Variants in RNFT1 observed in about 807,000 individuals in gnomAD.
RNFT1 encodes ring finger protein, transmembrane 1.
A neutral mutation model predicts 53.2 loss-of-function variants in RNFT1; 35 were observed. The observed-to-expected ratio is 0.66, with a 90% CI of 0.50 to 0.87. The LOEUF (loss-of-function observed/expected upper bound fraction) is 0.87. RNFT1 is among the 40% of genes least tolerant of loss of function. The pLI, the probability that RNFT1 is intolerant of heterozygous loss-of-function variation, is 0.00. For synonymous variants in RNFT1, 141 were observed against 172.8 expected (o/e 0.82, Z 1.44); for missense variants, 421 against 515.0 (o/e 0.82, Z 1.77).
At chr17:59,964,529 G>C (rs764788789) in intron 1 of RNFT1, 79 bp downstream of exon 1, 120 of 1,356,970 alleles carry the variant, frequency 8.8e-5, no homozygotes, top group Non-Finnish European at 1.1e-4. Flanking sequence ...TCCGAGCCTC[G>C]AGTGCCTATT....
At chr17:59,953,851 A>G (rs2045237108) in intron 8 of RNFT1, 194 bp downstream of exon 8, 2 of 443,238 alleles carry the variant, frequency 4.5e-6, no homozygotes, top group Non-Finnish European at 4.0e-6. Flanking sequence ...TTTCCCCTTC[A>G]TACGCTCCTC....
intron 3 of RNFT1, among the ~76,000 whole-genome samples, chr17:59,962,008 C>T (rs990380968): frequency 6.6e-6 from 1 of 151,488 alleles, no homozygotes; most frequent in Non-Finnish European, 1.5e-5. Context: ...GCCTCAGCCT[C>T]CCGAGTAGCT....
chr17:59,953,188 T>TTA, intron 8 of RNFT1, 77 bp from the exon 9 acceptor site: 1 of 1,139,228 alleles, frequency 8.8e-7, no homozygotes, highest in Non-Finnish European at 1.2e-6. Flanking sequence ...ATGAAAGGGA[T>TTA]TCTTTTTTTT....
chr17:59,964,255 C>T (rs998052233), intron 1 of RNFT1, among the ~76,000 whole-genome samples: 8 of 152,190 alleles, frequency 5.3e-5, no homozygotes, highest in Non-Finnish European at 1.0e-4. Flanking sequence ...ACTCCCAGGA[C>T]TGAACAGTGG....
intron 1 of RNFT1, among the ~76,000 whole-genome samples, chr17:59,964,199 G>A (rs888493916): frequency 1.3e-5 from 2 of 152,192 alleles, no homozygotes; most frequent in African/African-American, 4.8e-5. Context: ...TTGTCTAGGA[G>A]GAGGCTAGAG....
Position 59,961,063 on chromosome 17 carries a change from G to A in RNFT1, c.592-895C>T, listed in dbSNP as rs372799912. Reference sequence around the variant, plus strand: ...TTTTTTTTTACTTTTTTGAGACTGGGTCTCACTCTTTCACCCAGACTGGAG... The same window carrying A: ...TTTTTTTTTACTTTTTTGAGACTGGATCTCACTCTTTCACCCAGACTGGAG... On this transcript the variant is annotated intron_variant, in intron 3 of 8. Transcript: ENST00000305783. Among the ~76,000 whole-genome samples, 22 of 148,162 alleles carry A rather than the reference G, an allele frequency of 1.5e-4. No individual in the cohort carries two copies. The South Asian group carries it at 4.5e-3, about 30-fold the overall frequency.
At chr17:59,958,789 T>C (rs779146158) in intron 4 of RNFT1, 2 of 385,608 alleles carry the variant, frequency 5.2e-6, no homozygotes, top group Non-Finnish European at 1.0e-5. Flanking sequence ...TTCCTTTCAA[T>C]GAATTGCTTG....
intron 4 of RNFT1, among the ~76,000 whole-genome samples, chr17:59,958,952 G>GT (rs1249890616): frequency 1.3e-5 from 2 of 151,942 alleles, no homozygotes; most frequent in African/African-American, 4.8e-5. Context: ...CTCCTTTGCT[G>GT]TTTCTCTTCT....
chr17:59,953,316 G>A (rs935662832), intron 8 of RNFT1, among the ~76,000 whole-genome samples: 4 of 151,728 alleles, frequency 2.6e-5, no homozygotes, highest in African/African-American at 9.7e-5. Context: ...TCCTGCCTCA[G>A]CCTCCCAAGT....
chr17:59,953,579 CAA>C (rs1373664834), intron 8 of RNFT1, among the ~76,000 whole-genome samples: 7 of 152,164 alleles, frequency 4.6e-5, no homozygotes, highest in Admixed American at 3.3e-4. Flanking sequence ...TTCAAGAAGA[CAA>C]AGAGCAGTAT....
chr17:59,958,332 TA>T lies in RNFT1; in HGVS notation c.804del (p.Ile269PhefsTer21). 1 of 1,598,756 alleles carries T rather than the reference TA, an allele frequency of 6.3e-7. No homozygotes were observed. The highest frequency in any genetic ancestry group is 8.5e-7 in the Non-Finnish European group (1 of 1,176,672). On this transcript the variant is annotated frameshift_variant, in exon 5 of 9. Coordinates refer to ENST00000305783, the MANE Select transcript of RNFT1 (RefSeq NM_016125.4). LOFTEE classifies it high-confidence loss of function. ...LKFFFMGLKC[L>X]ILLVPSFIMP... ...ATGATGAAAGAAGGCACCAATAAAA[TA>T]AGGCATTTTAAGCCCATGAAAAAGA...
At chr17:59,964,000 C>T (rs1568547855) in intron 1 of RNFT1, among the ~76,000 whole-genome samples, 1 of 152,124 alleles carries the variant, frequency 6.6e-6, no homozygotes, top group African/African-American at 2.4e-5. Flanking sequence ...TTACACAGTC[C>T]GCCCAATAAA....
rs1339751975 is a variant in RNFT1 at position 59,954,621 on chromosome 17, T to A, written c.1072-475A>T. On this transcript the variant is annotated intron_variant, in intron 7 of 8. Coordinates refer to ENST00000305783, the MANE Select transcript of RNFT1 (RefSeq NM_016125.4). ...TTTCTCTGTTCCACACAATATCAAT[T>A]CACTAGGACCAGACATATTGGGATG... Among the ~76,000 whole-genome samples the A allele has an allele frequency of 3.9e-5, 6 of 152,286 alleles. 1 individual carries two copies. In the East Asian group the frequency reaches 1.2e-3, roughly 29 times the overall value.
intron 4 of RNFT1, 162 bp from the exon 5 acceptor site, chr17:59,958,606 T>A: frequency 1.4e-6 from 1 of 707,040 alleles, no homozygotes; most frequent in Non-Finnish European, 2.5e-6. Context: ...TCATTTTGCT[T>A]AAAGAGACTT....
At chr17:59,954,927 C>G (rs778670963) in intron 7 of RNFT1, among the ~76,000 whole-genome samples, 1 of 152,152 alleles carries the variant, frequency 6.6e-6, no homozygotes, top group Non-Finnish European at 1.5e-5. Context: ...AAGATTTTAA[C>G]CTCCTCACCA....
chr17:59,958,715 A>C (rs1598864677), intron 4 of RNFT1: 1 of 503,048 alleles, frequency 2.0e-6, no homozygotes, highest in East Asian at 5.3e-5. Context: ...TAAATGAAAA[A>C]AACTCATCAA....
At chr17:59,960,882 G>T (rs2045286950) in intron 3 of RNFT1, among the ~76,000 whole-genome samples, 1 of 151,796 alleles carries the variant, frequency 6.6e-6, no homozygotes, top group Non-Finnish European at 1.5e-5. Flanking sequence ...ACTTGTCAAG[G>T]TTTATATTTT....
chr17:59,964,692 C>G lies in RNFT1; in HGVS notation c.-29G>C. The G allele has an allele frequency of 6.3e-7, 1 of 1,583,968 alleles. No homozygotes were observed. Among genetic ancestry groups the G allele is most frequent in the South Asian group, 1.1e-5 (1 of 86,960 alleles). ...CCGCCTCCAGCCCTTCAGTCGGGGCCATCAACCGCAAACCCCGCAAGCTCT... is the reference window on the plus strand; with the variant it reads ...CCGCCTCCAGCCCTTCAGTCGGGGCGATCAACCGCAAACCCCGCAAGCTCT... On this transcript the variant is annotated 5_prime_UTR_variant, in exon 1 of 9. An upstream start codon of the reference 5' UTR is lost. Coordinates refer to ENST00000305783, the MANE Select transcript of RNFT1 (RefSeq NM_016125.4).
rs747200071 is a variant in RNFT1 at position 59,954,877 on chromosome 17, TC to T, written c.1072-732del. Among the ~76,000 whole-genome samples, 8 of 152,332 alleles carry T rather than the reference TC, an allele frequency of 5.3e-5. No homozygotes were observed. In the East Asian group the frequency reaches 1.5e-3, roughly 29 times the overall value. On this transcript the variant is annotated intron_variant, in intron 7 of 8. Coordinates refer to ENST00000305783, the MANE Select transcript of RNFT1 (RefSeq NM_016125.4). ...AACAAAAATGCAATTATTTGAATTT[TC>T]TTCTCTTCTAATGTCCTAATAACAA...
Sources: allele counts gnomAD v4.1 joint callset (sites outside exome capture counted in the v4.1 genomes callset), GRCh38; gene constraint gnomAD v4.1.1; transcripts MANE v1.5; gene names NCBI Gene and HGNC (gene_info 2026-07-23, HGNC 2026-07-21).